CHD8: variants seen among roughly 807,000 people sequenced by gnomAD.
CHD8 encodes the protein chromodomain helicase DNA binding protein 8, also known as ATP-dependent chromatin remodeler CHD8.
In CHD8, 31 loss-of-function variants were observed where a neutral mutation model predicts 279.2. That is an observed-to-expected ratio of 0.11 (90% CI 0.08 to 0.15). The LOEUF is 0.15. Ranked by LOEUF, CHD8 falls within the 10% of genes least tolerant of loss-of-function variation. CHD8 has a pLI of 1.00. For synonymous variants in CHD8, 1,081 were observed against 1,139.6 expected (o/e 0.95, Z 1.04); for missense variants, 2,146 against 3,230.5 (o/e 0.66, Z 8.14).
chr14:21,400,934 A>T lies in CHD8; in HGVS notation c.4311T>A (p.Arg1437=). Residue 1437 remains arginine, a synonymous_variant, in exon 22 of 38, where the codon CGT becomes CGA. Coordinates refer to ENST00000646647, the MANE Select transcript of CHD8 (RefSeq NM_001170629.2). The surrounding 1 kb of genome is among the most constrained non-coding windows in gnomAD (Gnocchi z 4.2). ...DERPRSRRHD[R]HHAYGRTDCF... ...AGTCAGTGCGCCCATAGGCATGATG[A>T]CGGTCATGTCTGCGGGAGCGTGGCC... 6.2e-7 allele frequency: 1 copy of T among 1,613,848 alleles called. No individual in the cohort carries two copies. Among genetic ancestry groups the T allele is most frequent in the Non-Finnish European group, 8.5e-7 (1 of 1,179,806 alleles).
intron 5 of CHD8, 146 bp from the exon 6 acceptor site, chr14:21,416,053 T>C: frequency 1.5e-6 from 1 of 687,040 alleles, no homozygotes; most frequent in Non-Finnish European, 2.5e-6. Flanking sequence ...AGATTATCTG[T>C]CAAACAATGT....
chr14:21,410,648 T>C (rs957023477), intron 10 of CHD8, among the ~76,000 whole-genome samples: 4 of 152,250 alleles, frequency 2.6e-5, no homozygotes, highest in African/African-American at 9.6e-5. Flanking sequence ...TGGCTCCTAT[T>C]TTCACTATTC....
intron 37 of CHD8, 35 bp from the exon 38 acceptor site, chr14:21,386,211 GA>G: frequency 6.6e-7 from 1 of 1,514,294 alleles, no homozygotes; most frequent in Non-Finnish European, 8.9e-7. Flanking sequence ...TAAAAAGAAA[GA>G]AAGGGGAAAA....
Position 21,385,423 on chromosome 14 carries a change from G to C in CHD8, c.*190C>G. ...GAAGTGGTCATGTATTATTTTAGGAGTTCCCCTGCCCACCCAATCCTCTCA... is the reference window on the plus strand; with the variant it reads ...GAAGTGGTCATGTATTATTTTAGGACTTCCCCTGCCCACCCAATCCTCTCA... On this transcript the variant is annotated 3_prime_UTR_variant, in exon 38 of 38. Transcript: ENST00000646647. 5 of 911,968 alleles carry C rather than the reference G, an allele frequency of 5.5e-6. No homozygotes were observed. The highest frequency in any genetic ancestry group is 7.9e-6 in the Non-Finnish European group (5 of 630,414). 56.5% of individuals were successfully genotyped at this position (911,968 alleles called of 1,614,324 possible).
At chr14:21,445,688 CAAAAAAAAA>C (rs747923350) in intron 1 of CHD8, among the ~76,000 whole-genome samples, 2 of 17,256 alleles carry the variant, frequency 1.2e-4, no homozygotes, top group African/African-American at 3.9e-4. Context: ...GATTCGGTCT[CAAAAAAAAA>C]AAAAAAAAAA....
At position 21,385,204 on chromosome 14, in the gene CHD8, T is replaced by G; in HGVS notation, c.*409A>C. The G allele has an allele frequency of 5.6e-6, 1 of 179,928 alleles. No individual in the cohort carries two copies. Among genetic ancestry groups the G allele is most frequent in the Non-Finnish European group, 1.2e-5 (1 of 84,660 alleles). 11.1% of individuals were successfully genotyped at this position (179,928 alleles called of 1,614,324 possible). A position where few individuals can be genotyped will look rare whatever the true frequency, so the allele number is the denominator to read the frequency against. On this transcript the variant is annotated 3_prime_UTR_variant, in exon 38 of 38. Coordinates refer to ENST00000646647, the MANE Select transcript of CHD8 (RefSeq NM_001170629.2). The stretch of plus-strand genomic sequence containing the variant: ...AGAACAAAGGAAGAGTGGAAAAGGA[T>G]TAACTTAAATTTATTAATGCCAAGG...
At chr14:21,427,552 A>G (rs1889380099) in intron 4 of CHD8, 1 of 1,304,668 alleles carries the variant, frequency 7.7e-7, no homozygotes, top group African/African-American at 1.5e-5. Context: ...AGGAGCACTC[A>G]CTTGAGCTTA....
At position 21,402,340 on chromosome 14, in the gene CHD8, G is replaced by A. The variant is rs1888073976; in HGVS notation, c.3878C>T (p.Thr1293Ile). 6.2e-7 allele frequency: 1 copy of A among 1,613,936 alleles called. No individual in the cohort carries two copies. Among genetic ancestry groups the A allele is most frequent in the East Asian group, 2.2e-5 (1 of 44,876 alleles). The stretch of plus-strand genomic sequence containing the variant: ...CTATAAACTAAGAGGACTCACTCCA[G>A]TAATGTTGCCATCCCGACCACTCAT... ...QSMSGRDGNI[T>I]GIQQFSKKEI... Residue 1293 changes from threonine to isoleucine, a missense_variant, in exon 19 of 38, where the codon ACT (threonine) becomes ATT (isoleucine). Thr to Ile is a moderately conservative substitution (Grantham distance 89). Transcript: ENST00000646647. The surrounding 1 kb of genome is among the most constrained non-coding windows in gnomAD (Gnocchi z 4.5).
chr14:21,446,553 G>A (rs1283889074), intron 1 of CHD8, among the ~76,000 whole-genome samples: 3 of 152,070 alleles, frequency 2.0e-5, no homozygotes, highest in Non-Finnish European at 2.9e-5. Context: ...TCAAGTGATC[G>A]GCCTGCCTCA....
At chr14:21,418,418 G>T (rs750097194) in intron 5 of CHD8, among the ~76,000 whole-genome samples, 1 of 152,148 alleles carries the variant, frequency 6.6e-6, no homozygotes, top group Non-Finnish European at 1.5e-5. Flanking sequence ...TACTAGGGAG[G>T]CTGAGGCATG....
chr14:21,443,250 G>T (rs1159490282), intron 1 of CHD8, among the ~76,000 whole-genome samples: 3 of 151,774 alleles, frequency 2.0e-5, no homozygotes, highest in Admixed American at 1.3e-4. Context: ...AATTAGCCGG[G>T]TGTGGTGGCG....
intron 7 of CHD8, 129 bp downstream of exon 7, chr14:21,415,445 G>A (rs1888673091): frequency 1.6e-5 from 7 of 450,624 alleles, no homozygotes; most frequent in South Asian, 2.2e-4. Flanking sequence ...AGTGTGCTAC[G>A]ATCATATCTA....
In CHD8 at chr14:21,400,652, T is replaced by C; in HGVS notation, c.4371-40A>G. On this transcript the variant is annotated intron_variant, in intron 22 of 37. Transcript: ENST00000646647. The surrounding 1 kb of genome is among the most constrained non-coding windows in gnomAD (Gnocchi z 4.2). ...ACTATATTAACATTTTTCTGAGAAA[T>C]GACAGTCCCCTGTCCCTCAGAATCA... 1 of 1,503,148 alleles carries C rather than the reference T, an allele frequency of 6.7e-7. No homozygotes were observed. Among genetic ancestry groups the C allele is most frequent in the Non-Finnish European group, 8.9e-7 (1 of 1,124,728 alleles). 93.1% of individuals were successfully genotyped at this position (1,503,148 alleles called of 1,614,324 possible).
At chr14:21,423,331 A>T (rs1889138922) in intron 5 of CHD8, among the ~76,000 whole-genome samples, 1 of 152,222 alleles carries the variant, frequency 6.6e-6, no homozygotes, top group African/African-American at 2.4e-5. Context: ...ATCATCCCAT[A>T]GCAGGAAGGT....
rs749892832 is a variant in CHD8, at chr14:21,403,909, GC to G, written c.3308-247del. On this transcript the variant is annotated intron_variant, in intron 16 of 37. Transcript: ENST00000646647. The surrounding 1 kb of genome is among the most constrained non-coding windows in gnomAD (Gnocchi z 4.3). ...AGGTCAGGAGTTCGAGACCAGTCTG[GC>G]CAACATGGTGAAACCCCGTCTCTAC... 6.6e-6 allele frequency among the ~76,000 whole-genome samples: 1 copy of G among 151,966 alleles called. No individual in the cohort carries two copies. The highest frequency in any genetic ancestry group is 1.5e-5 in the Non-Finnish European group (1 of 68,008).
intron 26 of CHD8, chr14:21,398,177 C>T (rs774668878): frequency 2.5e-5 from 7 of 282,070 alleles, no homozygotes; most frequent in Non-Finnish European, 4.6e-5. Context: ...GCCTTAGGCT[C>T]CCAAAGTGTT....
In CHD8 at chr14:21,401,525, C is replaced by A. The variant is rs761342689; in HGVS notation, c.4063-12G>T. 1.4e-6 allele frequency: 2 copies of A among 1,478,246 alleles called. No individual in the cohort carries two copies. The highest frequency in any genetic ancestry group is 1.5e-5 in the African/African-American group (1 of 68,338). The allele number at this position is 1,478,246 out of a possible 1,614,324, so 91.6% of individuals were successfully genotyped here. A position where few individuals can be genotyped will look rare whatever the true frequency, so the allele number is the denominator to read the frequency against. ...GCAACAAAGCTTGCCTAGAGAAAAA[C>A]AAATGCAGAGGTAAAGCTGACTTTT... On this transcript the variant is annotated splice_polypyrimidine_tract_variant and intron_variant, in intron 20 of 37. Transcript: ENST00000646647.
chr14:21,446,780 TTACTA>T (rs974669864), intron 1 of CHD8, among the ~76,000 whole-genome samples: 7 of 152,334 alleles, frequency 4.6e-5, no homozygotes, highest in Non-Finnish European at 8.8e-5. Context: ...CTTAACCACC[TTACTA>T]TACTATGCTC....
chr14:21,395,844 T>C lies in CHD8; in HGVS notation c.5100A>G (p.Gln1700=). The change falls in exon 28 of 38, where the codon CAA becomes CAG. Residue 1700 remains glutamine, a synonymous_variant. Transcript: ENST00000646647. ...CATCATCTTGGTCCTTTGGGGGACC[T>C]TGGAGTGGTTTATATTCAGGATCTT... is the stretch of plus-strand genomic sequence containing the variant. The part of the protein sequence containing the change: ...DCEDPEYKPL[Q]GPPKDQDDEG... 1 of 1,611,406 alleles carries C rather than the reference T, an allele frequency of 6.2e-7. No homozygotes were observed. Among genetic ancestry groups the C allele is most frequent in the Non-Finnish European group, 8.5e-7 (1 of 1,177,780 alleles).
Sources: gnomAD v4.1 joint callset for allele counts (sites outside exome capture counted in the v4.1 genomes callset) on GRCh38, gnomAD v4.1.1 for gene constraint, Gnocchi (gnomAD v3.1) non-coding constraint, MANE v1.5 for transcripts, NCBI Gene and HGNC (gene_info 2026-07-23, HGNC 2026-07-21) for gene names.